Variants in TRERF1 observed in about 807,000 individuals in gnomAD.
TRERF1 encodes the protein transcriptional regulating factor 1.
TRERF1 carries 27 observed loss-of-function variants against 122.9 expected under a neutral mutation model. The observed-to-expected ratio is 0.22, with a 90% confidence interval of 0.16 to 0.30. TRERF1 has a LOEUF of 0.30. TRERF1 is among the 10% of genes least tolerant of loss of function. The pLI, the probability that TRERF1 is intolerant of heterozygous loss-of-function variation, is 1.00. For missense variants in TRERF1, 1,248 were observed against 1,560.3 expected, an observed-to-expected ratio of 0.80 and a Z score of 3.37; for synonymous variants, 636 against 641.7, an observed-to-expected ratio of 0.99 and a Z score of 0.13.
Position 42,268,100 on chromosome 6 carries a change from G to C in TRERF1, c.1437+54C>G. ...GAGAGGATTGAGCACTGCAGACTCA[G>C]CCCTGACCCTGTAGCACACTGGGTA... On this transcript the variant is annotated intron_variant, in intron 5 of 17. Transcript: ENST00000372922. This position sits in a 1 kb window ranked among gnomAD's most constrained non-coding sequence, Gnocchi z 4.4. 1 of 1,409,906 alleles carries C rather than the reference G, an allele frequency of 7.1e-7. No homozygotes were observed. Among genetic ancestry groups the C allele is most frequent in the Non-Finnish European group, 9.3e-7 (1 of 1,078,456 alleles). 87.3% of individuals were successfully genotyped at this position (1,409,906 alleles called of 1,614,324 possible).
intron 4 of TRERF1, among the ~76,000 whole-genome samples, chr6:42,299,116 C>CTGTCTGTCTGTCTGTATCTATCTA (rs10627056): frequency 7.8e-5 from 11 of 141,784 alleles, no homozygotes; most frequent in African/African-American, 2.1e-4. Flanking sequence ...GTCTGTCTGT[C>CTGTCTGTCTGTCTGTATCTATCTA]TCTATCTATC....
intron 3 of TRERF1, among the ~76,000 whole-genome samples, chr6:42,357,564 G>A (rs1002608404): frequency 1.3e-5 from 2 of 152,112 alleles, no homozygotes; most frequent in African/African-American, 2.4e-5. Context: ...CCCATGAAAC[G>A]TTAGAATTAG....
At chr6:42,234,352 T>G (rs1425143038) in intron 16 of TRERF1, among the ~76,000 whole-genome samples, 1 of 151,906 alleles carries the variant, frequency 6.6e-6, no homozygotes, top group African/African-American at 2.4e-5. Flanking sequence ...TTGTTTTTTT[T>G]TTTTCAGATG....
chr6:42,296,467 T>C (rs1177152584), intron 4 of TRERF1, among the ~76,000 whole-genome samples: 6 of 152,220 alleles, frequency 3.9e-5, no homozygotes, highest in African/African-American at 1.4e-4. Flanking sequence ...ATCCAAGCTC[T>C]GTGTTACAAG....
intron 3 of TRERF1, among the ~76,000 whole-genome samples, chr6:42,327,939 C>G (rs1233340434): frequency 6.6e-6 from 1 of 151,510 alleles, no homozygotes; most frequent in Non-Finnish European, 1.5e-5. Context: ...TTGTAATTAT[C>G]ACAATCCACC....
At position 42,294,582 on chromosome 6, in the gene TRERF1, G is replaced by A. The variant is rs1040920882; in HGVS notation, c.-259+6056C>T. Among the ~76,000 whole-genome samples the A allele has an allele frequency of 2.6e-5, 4 of 152,140 alleles. No homozygotes were observed. In the East Asian group the frequency reaches 5.8e-4, roughly 22 times the overall value. Reference sequence around the variant, plus strand: ...CCACCAATGGTGAGAAGGAGCCAACGGCCAATCTCCAGGGCAGCACGTGAA... The same window carrying A: ...CCACCAATGGTGAGAAGGAGCCAACAGCCAATCTCCAGGGCAGCACGTGAA... On this transcript the variant is annotated intron_variant, in intron 4 of 17. Coordinates refer to ENST00000372922, the Ensembl canonical transcript of TRERF1.
At chr6:42,300,266 C>T (rs1785932620) in intron 4 of TRERF1, among the ~76,000 whole-genome samples, 1 of 152,222 alleles carries the variant, frequency 6.6e-6, no homozygotes. Flanking sequence ...CTAGCAGGTA[C>T]TGGGACTCTC....
chr6:42,371,811 G>C (rs1773819311), intron 2 of TRERF1, among the ~76,000 whole-genome samples: 1 of 152,158 alleles, frequency 6.6e-6, no homozygotes, highest in Non-Finnish European at 1.5e-5. Flanking sequence ...AAGCTCATCT[G>C]CTCAGGGGGA....
intron 3 of TRERF1, among the ~76,000 whole-genome samples, chr6:42,321,949 A>G (rs1410109791): frequency 1.3e-5 from 2 of 152,252 alleles, no homozygotes; most frequent in Non-Finnish European, 2.9e-5. Context: ...ATCAACCTGT[A>G]GATAAAGCAT....
intron 2 of TRERF1, among the ~76,000 whole-genome samples, chr6:42,397,985 G>A (rs528861223): frequency 1.3e-5 from 2 of 152,098 alleles, no homozygotes; most frequent in South Asian, 2.1e-4. Flanking sequence ...CATTCCCACC[G>A]GTCAGAAGCC....
At chr6:42,405,458 T>C (rs969735802) in intron 2 of TRERF1, among the ~76,000 whole-genome samples, 1 of 152,060 alleles carries the variant, frequency 6.6e-6, no homozygotes, top group Non-Finnish European at 1.5e-5. Flanking sequence ...TACGTTCAAT[T>C]ACAAAGCAAA....
chr6:42,447,993 C>T (rs572939099), intron 2 of TRERF1, among the ~76,000 whole-genome samples: 2 of 152,296 alleles, frequency 1.3e-5, no homozygotes, highest in South Asian at 2.1e-4. Flanking sequence ...CATGAGCCAC[C>T]GCGCCCAGCC....
intron 2 of TRERF1, among the ~76,000 whole-genome samples, chr6:42,416,634 T>C (rs1409773248): frequency 6.6e-6 from 1 of 152,226 alleles, no homozygotes; most frequent in East Asian, 1.9e-4. Flanking sequence ...CAGAGACCAC[T>C]TTGTGGCTCT....
exon 18 of TRERF1, chr6:42,227,979 T>TCA (rs1375833835): frequency 1.1e-5 from 2 of 177,370 alleles, no homozygotes; most frequent in African/African-American, 2.4e-5. Context: ...CGCCTGCGTC[T>TCA]CACACACACA....
intron 3 of TRERF1, among the ~76,000 whole-genome samples, chr6:42,305,696 C>A (rs894501930): frequency 7.2e-5 from 11 of 151,984 alleles, no homozygotes; most frequent in African/African-American, 2.7e-4. Flanking sequence ...CCATGCCACC[C>A]ACAATTCATT....
intron 4 of TRERF1, among the ~76,000 whole-genome samples, chr6:42,283,250 A>G: frequency 6.6e-6 from 1 of 152,250 alleles, no homozygotes; most frequent in South Asian, 2.1e-4. Flanking sequence ...GGGAACATGC[A>G]TCGGGCGACT....
chr6:42,284,521 TTC>T (rs1190675792), intron 4 of TRERF1, among the ~76,000 whole-genome samples: 1 of 152,274 alleles, frequency 6.6e-6, no homozygotes, highest in Non-Finnish European at 1.5e-5. Context: ...ACTCTTACTT[TTC>T]ACTGAAATAG....
At chr6:42,320,506 ATT>A (rs397977723) in intron 3 of TRERF1, among the ~76,000 whole-genome samples, 6 of 136,676 alleles carry the variant, frequency 4.4e-5, no homozygotes, top group Admixed American at 7.3e-5. Flanking sequence ...AAGTGAAAGA[ATT>A]TTTTTTTTTT....
In TRERF1 at chr6:42,352,580, C is replaced by T. The variant is rs148585940; in HGVS notation, c.-371+10417G>A. Among the ~76,000 whole-genome samples, 235 of 152,060 alleles carry T rather than the reference C, an allele frequency of 1.5e-3. 5 individuals carry two copies. In the East Asian group the frequency reaches 0.016, roughly 11 times the overall value. On this transcript the variant is annotated intron_variant, in intron 3 of 17. Coordinates refer to ENST00000372922, the Ensembl canonical transcript of TRERF1. ...ATTAAAATGTAGAAAATTACAAGGG[C>T]TCAAAGGAAAAAAAATCTAGACGTA... is the stretch of plus-strand genomic sequence containing the variant.
Sources: gnomAD v4.1 joint callset for allele counts (sites outside exome capture counted in the v4.1 genomes callset) on GRCh38, gnomAD v4.1.1 for gene constraint, Gnocchi (gnomAD v3.1) non-coding constraint, MANE v1.5 for transcripts, NCBI Gene and HGNC (gene_info 2026-07-23, HGNC 2026-07-21) for gene names.